ZDHHC2: variants seen among roughly 807,000 people sequenced by gnomAD.
The protein encoded by ZDHHC2 is palmitoyltransferase ZDHHC2.
In ZDHHC2, 51 loss-of-function variants were observed where a neutral mutation model predicts 55.6. The ratio of observed to expected loss-of-function variants is 0.92; its 90% CI spans 0.73 to 1.16. ZDHHC2 has a LOEUF of 1.16. ZDHHC2 is among the 50% of genes most tolerant of loss of function. The pLI is 0.00. For synonymous variants in ZDHHC2, 199 were observed against 152.9 expected, an observed-to-expected ratio of 1.30 and a Z score of -2.22; for missense variants, 491 against 442.4, an observed-to-expected ratio of 1.11 and a Z score of -0.99.
chr8:17,200,383 C>A (rs1279575551), intron 6 of ZDHHC2, among the ~76,000 whole-genome samples: 4 of 152,202 alleles, frequency 2.6e-5, no homozygotes, highest in African/African-American at 9.7e-5. Flanking sequence ...GAACTGCATC[C>A]AAGTTCTTGT....
intron 1 of ZDHHC2, among the ~76,000 whole-genome samples, chr8:17,165,154 G>C (rs965925903): frequency 6.6e-6 from 1 of 152,288 alleles, no homozygotes; most frequent in African/African-American, 2.4e-5. Context: ...GGCCAACTGC[G>C]AGCATGAAAA....
At chr8:17,212,610 T>C (rs1323655429) in intron 10 of ZDHHC2, among the ~76,000 whole-genome samples, 1 of 152,216 alleles carries the variant, frequency 6.6e-6, no homozygotes, top group Non-Finnish European at 1.5e-5. Flanking sequence ...TCCCATGGAT[T>C]ACTTCAGTAG....
At chr8:17,183,932 G>C (rs1259166603) in intron 1 of ZDHHC2, among the ~76,000 whole-genome samples, 2 of 152,088 alleles carry the variant, frequency 1.3e-5, no homozygotes, top group African/African-American at 2.4e-5. Context: ...ACTACCCTCT[G>C]GTTCCAGGCT....
chr8:17,191,435 T>G (rs558766397), intron 3 of ZDHHC2, among the ~76,000 whole-genome samples: 1 of 152,316 alleles, frequency 6.6e-6, no homozygotes, highest in African/African-American at 2.4e-5. Flanking sequence ...TTGTTACCGT[T>G]AACTTTCCCC....
At chr8:17,165,818 A>G (rs1310141810) in intron 1 of ZDHHC2, among the ~76,000 whole-genome samples, 1 of 152,250 alleles carries the variant, frequency 6.6e-6, no homozygotes, top group Non-Finnish European at 1.5e-5. Flanking sequence ...AGAAGAACTC[A>G]TGAAATTTAA....
Position 17,190,951 on chromosome 8 carries a change from CTTTTTTTTTTTTTTTT to C in ZDHHC2, c.252+4539_253-4525del, listed in dbSNP as rs10601402. On this transcript the variant is annotated intron_variant, in intron 3 of 12. Transcript: ENST00000262096. ...TGTCAAATACTAGGTCTTATTCATT[CTTTTTTTTTTTTTTTT>C]TTTTTTTTTTTTGAGATGGAGTTTC... is the stretch of plus-strand genomic sequence containing the variant. 4.1e-3 allele frequency among the ~76,000 whole-genome samples: 216 copies of C among 52,784 alleles called. 1 individual carries two copies. The highest frequency in any genetic ancestry group is 5.0e-3 in the Non-Finnish European group (147 of 29,450). The allele number at this position is 52,784 out of a possible 152,430, so 34.6% of individuals were successfully genotyped here. A position where few individuals can be genotyped will look rare whatever the true frequency, so the allele number is the denominator to read the frequency against.
intron 1 of ZDHHC2, among the ~76,000 whole-genome samples, chr8:17,163,454 A>G (rs1271522326): frequency 6.6e-6 from 1 of 152,114 alleles, no homozygotes; most frequent in Non-Finnish European, 1.5e-5. Flanking sequence ...ATGAGTATAT[A>G]TGGGGGCGAG....
At chr8:17,201,645 A>C (rs1563163325) in intron 6 of ZDHHC2, among the ~76,000 whole-genome samples, 1 of 138,650 alleles carries the variant, frequency 7.2e-6, no homozygotes. Flanking sequence ...GGCGCCCACC[A>C]CTACGCCTCA....
chr8:17,182,978 T>A (rs1386935775), intron 1 of ZDHHC2, among the ~76,000 whole-genome samples: 1 of 152,204 alleles, frequency 6.6e-6, no homozygotes, highest in Non-Finnish European at 1.5e-5. Context: ...GCCAGGCTGG[T>A]CTTGAACTCT....
At chr8:17,197,392 C>T (rs897840729) in intron 4 of ZDHHC2, among the ~76,000 whole-genome samples, 190 bp from the exon 5 acceptor site, 3 of 152,178 alleles carry the variant, frequency 2.0e-5, no homozygotes, top group African/African-American at 7.2e-5. Context: ...GGTTAAACCT[C>T]CAGAGAACTG....
At chr8:17,190,761 A>C (rs748788890) in intron 3 of ZDHHC2, among the ~76,000 whole-genome samples, 32 of 151,984 alleles carry the variant, frequency 2.1e-4, no homozygotes, top group Non-Finnish European at 2.5e-4. Flanking sequence ...GGGGTACCTG[A>C]GGTATTTTGA....
At chr8:17,216,297 T>C (rs894476783) in intron 11 of ZDHHC2, among the ~76,000 whole-genome samples, 2 of 152,214 alleles carry the variant, frequency 1.3e-5, no homozygotes, top group African/African-American at 4.8e-5. Context: ...AAATGGATGA[T>C]CCTGAGTAAA....
At chr8:17,211,191 T>C (rs1807368618) in intron 10 of ZDHHC2, among the ~76,000 whole-genome samples, 1 of 152,212 alleles carries the variant, frequency 6.6e-6, no homozygotes, top group Non-Finnish European at 1.5e-5. Flanking sequence ...TTTTCAGTGG[T>C]TTGAAACACC....
intron 8 of ZDHHC2, among the ~76,000 whole-genome samples, chr8:17,208,310 C>CTA (rs899526285): frequency 4.7e-5 from 7 of 147,972 alleles, no homozygotes; most frequent in East Asian, 2.0e-4. Flanking sequence ...ATATATGAGA[C>CTA]TATATATATA....
chr8:17,174,066 T>C (rs1223605140), intron 1 of ZDHHC2, among the ~76,000 whole-genome samples: 1 of 151,640 alleles, frequency 6.6e-6, no homozygotes, highest in African/African-American at 2.4e-5. Flanking sequence ...GCACCTCAAT[T>C]TGTGCTCTAT....
intron 3 of ZDHHC2, among the ~76,000 whole-genome samples, chr8:17,189,578 AG>A (rs1480623809): frequency 1.3e-5 from 2 of 152,210 alleles, no homozygotes; most frequent in African/African-American, 4.8e-5. Flanking sequence ...TGGCCTTGGC[AG>A]GAAGTTGAAG....
At chr8:17,208,980 C>G (rs1807240276) in intron 8 of ZDHHC2, among the ~76,000 whole-genome samples, 1 of 152,046 alleles carries the variant, frequency 6.6e-6, no homozygotes, top group South Asian at 2.1e-4. Flanking sequence ...TTTCATAGTG[C>G]CTAACTCTGC....
chr8:17,195,461 A>C, intron 3 of ZDHHC2, 43 bp from the exon 4 acceptor site: 1 of 1,572,296 alleles, frequency 6.4e-7, no homozygotes, highest in Non-Finnish European at 8.6e-7. Flanking sequence ...ATATGTTATA[A>C]TTTCTTTGAA....
At chr8:17,165,814 A>T (rs560128882) in intron 1 of ZDHHC2, among the ~76,000 whole-genome samples, 188 of 152,328 alleles carry the variant, frequency 1.2e-3, no homozygotes, top group Non-Finnish European at 1.9e-3. Context: ...AAGGAGAAGA[A>T]CTCATGAAAT....
Sources: allele counts gnomAD v4.1 joint callset (sites outside exome capture counted in the v4.1 genomes callset), GRCh38; gene constraint gnomAD v4.1.1; transcripts MANE v1.5; gene names NCBI Gene and HGNC (gene_info 2026-07-23, HGNC 2026-07-21).